ASCC1: variants seen among roughly 807,000 people sequenced by gnomAD.
ASCC1 encodes ASC-1 complex subunit P50.
ASCC1 carries 35 observed loss-of-function variants against 46.6 expected under a neutral mutation model. The observed-to-expected ratio is 0.75, with a 90% CI of 0.57 to 0.99. ASCC1 has a LOEUF of 0.99. Among genes scored for constraint, ASCC1 ranks in the 50% least tolerant of loss-of-function variants. ASCC1 has a pLI of 0.00. For missense variants in ASCC1, 376 were observed against 428.7 expected, an observed-to-expected ratio of 0.88 and a Z score of 1.09; for synonymous variants, 143 against 146.6, an observed-to-expected ratio of 0.98 and a Z score of 0.18.
At chr10:72,158,622 C>T (rs539818573) in intron 6 of ASCC1, among the ~76,000 whole-genome samples, 1 of 152,246 alleles carries the variant, frequency 6.6e-6, no homozygotes, top group African/African-American at 2.4e-5. Flanking sequence ...AAAAACTACC[C>T]CCAAATTTAA....
Position 72,213,365 on chromosome 10 carries a change from G to C in ASCC1, c.-33-34C>G, listed in dbSNP as rs188537668. On this transcript the variant is annotated intron_variant, in intron 1 of 9. Coordinates refer to ENST00000672957, the MANE Select transcript of ASCC1 (RefSeq NM_001198800.3). ...TATAATTACCATCTTACCTTTCTTA[G>C]TGAGAATTAAAACTCCTATCTCTAG... 8 of 1,232,280 alleles carry C rather than the reference G, an allele frequency of 6.5e-6. No homozygotes were observed. In the Admixed American group the frequency reaches 6.9e-5, roughly 11 times the overall value. The allele number at this position is 1,232,280 out of a possible 1,614,324, so 76.3% of individuals were successfully genotyped here.
intron 7 of ASCC1, among the ~76,000 whole-genome samples, chr10:72,140,385 T>C (rs1278550934): frequency 6.6e-6 from 1 of 152,088 alleles, no homozygotes; most frequent in Non-Finnish European, 1.5e-5. Flanking sequence ...TAAGATGATG[T>C]CATACTGGAA....
intron 5 of ASCC1, among the ~76,000 whole-genome samples, chr10:72,191,258 G>A (rs1281757217): frequency 6.7e-6 from 1 of 149,614 alleles, no homozygotes; most frequent in African/African-American, 2.5e-5. Context: ...GTAGAGACGA[G>A]GTTTCACCAT....
intron 7 of ASCC1, among the ~76,000 whole-genome samples, chr10:72,148,285 A>C (rs572635608): frequency 4.0e-4 from 61 of 152,324 alleles, no homozygotes; most frequent in African/African-American, 1.3e-3. Flanking sequence ...GAAATACAAA[A>C]AGTAAAAGAA....
intron 5 of ASCC1, among the ~76,000 whole-genome samples, chr10:72,174,718 G>A (rs1270924535): frequency 6.6e-6 from 1 of 152,168 alleles, no homozygotes; most frequent in Non-Finnish European, 1.5e-5. Flanking sequence ...AAACGTTTGT[G>A]CCTTTAACCT....
At chr10:72,205,035 A>T (rs1206655340) in intron 3 of ASCC1, among the ~76,000 whole-genome samples, 1 of 152,212 alleles carries the variant, frequency 6.6e-6, no homozygotes, top group Non-Finnish European at 1.5e-5. Flanking sequence ...TAACCACTGT[A>T]AGCCTACTTC....
chr10:72,138,665 G>A (rs1464945216), intron 7 of ASCC1, among the ~76,000 whole-genome samples: 4 of 141,052 alleles, frequency 2.8e-5, no homozygotes, highest in Non-Finnish European at 6.0e-5. Flanking sequence ...GTGCAGTGGC[G>A]CAATCTTGGC....
chr10:72,153,326 C>A (rs1032883692), intron 6 of ASCC1, among the ~76,000 whole-genome samples: 1 of 152,230 alleles, frequency 6.6e-6, no homozygotes, highest in Non-Finnish European at 1.5e-5. Flanking sequence ...ATCTCTCAGG[C>A]GCCCATCTCT....
chr10:72,103,289 C>T (rs1229797381), intron 9 of ASCC1, among the ~76,000 whole-genome samples: 1 of 151,736 alleles, frequency 6.6e-6, no homozygotes, highest in Non-Finnish European at 1.5e-5. Context: ...CCTGCCACCG[C>T]ACCCGGCTAA....
intron 8 of ASCC1, among the ~76,000 whole-genome samples, chr10:72,130,392 T>C (rs1387838013): frequency 1.3e-5 from 2 of 152,202 alleles, no homozygotes; most frequent in Admixed American, 6.5e-5. Flanking sequence ...ATGTGAATTA[T>C]ATCTCAATAA....
At chr10:72,134,479 C>T (rs1219536072) in intron 7 of ASCC1, 1 of 152,296 alleles carries the variant, frequency 6.6e-6, no homozygotes, top group Non-Finnish European at 1.5e-5. Context: ...CCTCGGTTTC[C>T]TATGGTCTTC....
At chr10:72,177,410 C>T (rs1344762582) in intron 5 of ASCC1, among the ~76,000 whole-genome samples, 1 of 152,130 alleles carries the variant, frequency 6.6e-6, no homozygotes, top group Non-Finnish European at 1.5e-5. Flanking sequence ...TAAACATTTT[C>T]TTCTTCAGTG....
At position 72,161,545 on chromosome 10, in the gene ASCC1, A is replaced by G. The variant is rs1338170023; in HGVS notation, c.619T>C (p.Phe207Leu). The change falls in exon 6 of 10, where the codon TTC (phenylalanine) becomes CTC (leucine). Residue 207 changes from phenylalanine (F) to leucine (L), a missense_variant. Physicochemically the swap from Phe to Leu is conservative, Grantham distance 22. Transcript: ENST00000672957. ...TCCCTGAGAATTACTCACTTAATGA[A>G]TTCCTCTTTACACTGCTGTAGCATC... ...CEMLQQCKEE[F>L]INDISGGKPL... The G allele has an allele frequency of 1.2e-6, 2 of 1,614,180 alleles. No individual in the cohort carries two copies. The highest frequency in any genetic ancestry group is 2.2e-5 in the South Asian group (2 of 91,082).
chr10:72,185,860 C>G (rs1361951239), intron 5 of ASCC1, among the ~76,000 whole-genome samples: 1 of 152,042 alleles, frequency 6.6e-6, no homozygotes, highest in Non-Finnish European at 1.5e-5. Flanking sequence ...ATGGAAAAAA[C>G]TATGAAAAAA....
At chr10:72,149,240 C>A (rs535174441) in intron 7 of ASCC1, among the ~76,000 whole-genome samples, 1 of 151,670 alleles carries the variant, frequency 6.6e-6, no homozygotes, top group South Asian at 2.1e-4. Context: ...AGATCAAGAC[C>A]ATCCTGGCTG....
chr10:72,197,942 A>G (rs1353312610), intron 4 of ASCC1, among the ~76,000 whole-genome samples: 1 of 116,840 alleles, frequency 8.6e-6, no homozygotes, highest in Non-Finnish European at 1.6e-5. Context: ...AATAAAGTTG[A>G]ACATAGACTT....
intron 5 of ASCC1, among the ~76,000 whole-genome samples, chr10:72,185,232 C>T (rs551710416): frequency 8.5e-5 from 13 of 152,288 alleles, no homozygotes; most frequent in African/African-American, 2.9e-4. Context: ...TCCTATTAAA[C>T]TAAACATACA....
At position 72,196,831 on chromosome 10, in the gene ASCC1, CT is replaced by C; in HGVS notation, c.468del (p.Val157TyrfsTer24). On this transcript the variant is annotated frameshift_variant, in exon 5 of 10. Transcript: ENST00000672957. LOFTEE classifies it high-confidence loss of function. Reference sequence around the variant, plus strand: ...CTTACCATGGAGCACTTCGCCAGTACTTCCTCCTGGAATCTCAGGAATCCTT... The same window carrying C: ...CTTACCATGGAGCACTTCGCCAGTACTCCTCCTGGAATCTCAGGAATCCTT... Reference protein sequence around the residue: ...VQEGFLRFQEEVLAKCSMDHG... With the variant: ...VQEGFLRFQEXVLAKCSMDHG... 1 of 1,613,164 alleles carries C rather than the reference CT, an allele frequency of 6.2e-7. No homozygotes were observed. Among genetic ancestry groups the C allele is most frequent in the South Asian group, 1.1e-5 (1 of 91,060 alleles).
chr10:72,168,590 C>T (rs1488345441), intron 5 of ASCC1, among the ~76,000 whole-genome samples: 1 of 152,148 alleles, frequency 6.6e-6, no homozygotes, highest in Non-Finnish European at 1.5e-5. Flanking sequence ...GAATTGTGTG[C>T]CCCCCAAATT....
Sources: gnomAD v4.1 joint callset for allele counts (sites outside exome capture counted in the v4.1 genomes callset) on GRCh38, gnomAD v4.1.1 for gene constraint, MANE v1.5 for transcripts, NCBI Gene and HGNC (gene_info 2026-07-23, HGNC 2026-07-21) for gene names.